Variants in FNDC3B observed in about 807,000 individuals in gnomAD.
The protein encoded by FNDC3B is fibronectin type III domain containing 3B.
A neutral mutation model predicts 151.5 loss-of-function variants in FNDC3B; 12 were observed. That is an observed-to-expected ratio of 0.08 (90% CI 0.05 to 0.13). The LOEUF is 0.13. Among genes scored for constraint, FNDC3B ranks in the 10% least tolerant of loss-of-function variants. The pLI is 1.00. For missense variants in FNDC3B, 1,214 were observed against 1,505.3 expected, an observed-to-expected ratio of 0.81 and a Z score of 3.20; for synonymous variants, 528 against 549.0, an observed-to-expected ratio of 0.96 and a Z score of 0.54.
intron 4 of FNDC3B, among the ~76,000 whole-genome samples, chr3:172,244,849 C>G (rs1047434788): frequency 2.6e-5 from 4 of 152,068 alleles, no homozygotes; most frequent in Non-Finnish European, 5.9e-5. Flanking sequence ...TGGTCTTGAA[C>G]TTCTGACCTC....
At chr3:172,118,766 AATT>A (rs1720386718) in intron 2 of FNDC3B, among the ~76,000 whole-genome samples, 3 of 152,142 alleles carry the variant, frequency 2.0e-5, no homozygotes, top group Admixed American at 2.0e-4. Context: ...ACTTAAATGA[AATT>A]ATTATTGCTG....
chr3:172,098,119 C>T (rs1254787600), intron 1 of FNDC3B, among the ~76,000 whole-genome samples: 1 of 151,886 alleles, frequency 6.6e-6, no homozygotes, highest in East Asian at 1.9e-4. Flanking sequence ...CTGTTGGAAG[C>T]AGCTGCCTCT....
At chr3:172,317,473 C>T (rs547310960) in intron 11 of FNDC3B, among the ~76,000 whole-genome samples, 1 of 152,220 alleles carries the variant, frequency 6.6e-6, no homozygotes, top group East Asian at 1.9e-4. Flanking sequence ...CGTGAGCCAC[C>T]ACGCCCGGCC....
chr3:172,271,045 T>A (rs1407306307), intron 6 of FNDC3B, among the ~76,000 whole-genome samples: 1 of 152,224 alleles, frequency 6.6e-6, no homozygotes, highest in Non-Finnish European at 1.5e-5. Flanking sequence ...GTCTTGTATT[T>A]CCTTCCAGCC....
In FNDC3B at chr3:172,358,594, G is replaced by T. The variant is rs139032180; in HGVS notation, c.2796-4039G>T. Among the ~76,000 whole-genome samples, 56 of 152,330 alleles carry T rather than the reference G, an allele frequency of 3.7e-4. 1 individual carries two copies. The East Asian group carries it at 8.7e-3, about 24-fold the overall frequency. On this transcript the variant is annotated intron_variant, in intron 22 of 25. Coordinates refer to ENST00000415807, the MANE Select transcript of FNDC3B (RefSeq NM_022763.4). ...GGTGGTGTAATAGTGCAGCCGCAGT[G>T]AAGACCTGTCCCTGTGCCAGCACTG...
intron 3 of FNDC3B, among the ~76,000 whole-genome samples, chr3:172,150,600 A>G (rs1722169301): frequency 6.6e-6 from 1 of 151,908 alleles, no homozygotes. Flanking sequence ...TTTTAAATGC[A>G]TCATTCTTTT....
chr3:172,329,507 C>T (rs570965687), intron 12 of FNDC3B: 31 of 155,518 alleles, frequency 2.0e-4, no homozygotes, highest in Non-Finnish European at 3.0e-4. Flanking sequence ...AGGGCAGATA[C>T]GGAATTGGAG....
chr3:172,394,973 A>G (rs915224573), intron 25 of FNDC3B, among the ~76,000 whole-genome samples: 2 of 152,194 alleles, frequency 1.3e-5, no homozygotes, highest in African/African-American at 4.8e-5. Flanking sequence ...CATTAACAGA[A>G]TGAAGGCCAA....
intron 1 of FNDC3B, among the ~76,000 whole-genome samples, chr3:172,060,242 G>A (rs1289001996): frequency 6.6e-6 from 1 of 152,130 alleles, no homozygotes; most frequent in East Asian, 1.9e-4. Flanking sequence ...AATGAAAGAT[G>A]GTAGATTTAA....
intron 19 of FNDC3B, among the ~76,000 whole-genome samples, chr3:172,344,931 T>G (rs1051134705): frequency 7.2e-5 from 11 of 152,250 alleles, no homozygotes; most frequent in African/African-American, 2.6e-4. Flanking sequence ...GCTCAGAGAT[T>G]GATGAAGCAT....
chr3:172,118,690 G>T (rs1432022044), intron 2 of FNDC3B, among the ~76,000 whole-genome samples: 2 of 152,200 alleles, frequency 1.3e-5, no homozygotes, highest in African/African-American at 2.4e-5. Context: ...CAAGTATGGG[G>T]AAGCTCGGTC....
At chr3:172,082,946 G>A (rs554556550) in intron 1 of FNDC3B, among the ~76,000 whole-genome samples, 1 of 152,304 alleles carries the variant, frequency 6.6e-6, no homozygotes, top group East Asian at 1.9e-4. Flanking sequence ...CCAGTATGAA[G>A]TACGATATTT....
chr3:172,256,055 C>G (rs1342257131), intron 6 of FNDC3B, among the ~76,000 whole-genome samples: 1 of 152,224 alleles, frequency 6.6e-6, no homozygotes, highest in East Asian at 1.9e-4. Flanking sequence ...TTAATTCCTT[C>G]CTTGAGAACC....
intron 3 of FNDC3B, among the ~76,000 whole-genome samples, chr3:172,174,931 CCA>C (rs1723484497): frequency 4.0e-5 from 1 of 24,888 alleles, no homozygotes; most frequent in Admixed American, 3.0e-4. Flanking sequence ...CTTCCCCCCG[CCA>C]CCCCCCCCCC....
intron 16 of FNDC3B, among the ~76,000 whole-genome samples, chr3:172,340,381 G>A (rs2108304441): frequency 6.6e-6 from 1 of 151,096 alleles, no homozygotes; most frequent in Admixed American, 6.6e-5. Context: ...TGCCTCCTGG[G>A]TTCAAGTGAT....
chr3:172,092,665 G>A (rs924719880), intron 1 of FNDC3B, among the ~76,000 whole-genome samples: 4 of 152,206 alleles, frequency 2.6e-5, no homozygotes, highest in African/African-American at 4.8e-5. Context: ...TAAGTAGCAC[G>A]ACCTGGACAG....
chr3:172,145,915 G>A (rs752620996), intron 3 of FNDC3B, among the ~76,000 whole-genome samples: 30 of 150,354 alleles, frequency 2.0e-4, no homozygotes, highest in Non-Finnish European at 3.7e-4. Flanking sequence ...CCGGGTTTAA[G>A]CGATTCTCCT....
At chr3:172,156,008 A>G (rs1031096745) in intron 3 of FNDC3B, among the ~76,000 whole-genome samples, 1 of 151,986 alleles carries the variant, frequency 6.6e-6, no homozygotes, top group Admixed American at 6.6e-5. Context: ...TTGCCCAGAG[A>G]CTCTTTTTCT....
chr3:172,233,768 G>T (rs1302172600), intron 4 of FNDC3B, among the ~76,000 whole-genome samples: 1 of 152,184 alleles, frequency 6.6e-6, no homozygotes, highest in East Asian at 1.9e-4. Flanking sequence ...CCATTTGGTG[G>T]CCAATAAGGA....
Sources: allele counts gnomAD v4.1 joint callset (sites outside exome capture counted in the v4.1 genomes callset), GRCh38; gene constraint gnomAD v4.1.1; transcripts MANE v1.5; gene names NCBI Gene and HGNC (gene_info 2026-07-23, HGNC 2026-07-21).